Variants in P2RY14 observed in about 807,000 individuals in gnomAD.
The protein encoded by P2RY14 is P2Y purinoceptor 14.
P2RY14 carries 2 observed loss-of-function variants against 0.9 expected under a neutral mutation model. The ratio of observed to expected loss-of-function variants is 2.16; its 90% CI spans 0.88 to 6.79. The LOEUF (loss-of-function observed/expected upper bound fraction) is 6.79. Ranked by LOEUF, P2RY14 falls within the 30% of genes most tolerant of loss-of-function variation. The pLI is 0.05. For synonymous variants in P2RY14, 158 were observed against 147.2 expected (o/e 1.07, Z -0.53); for missense variants, 378 against 400.1 (o/e 0.94, Z 0.47).
intron 1 of P2RY14, among the ~76,000 whole-genome samples, chr3:151,230,033 G>T (rs954657525): frequency 6.6e-6 from 1 of 152,000 alleles, no homozygotes; most frequent in Non-Finnish European, 1.5e-5. Context: ...GCAGTGGTGC[G>T]ATCTCAGCTC....
rs1205613477 is a variant in P2RY14, at chr3:151,248,057, T to TTTGGAAA, written c.-132-28422_-132-28416dup. Among the ~76,000 whole-genome samples, 3 of 150,912 alleles carry TTTGGAAA rather than the reference T, an allele frequency of 2.0e-5. No individual in the cohort carries two copies. The East Asian group carries it at 5.8e-4, about 29-fold the overall frequency. ...TCTAAATTATCTATTAGTCTAGATT[T>TTTGGAAA]TTGGAAATTACTACATAATTTATAG... On this transcript the variant is annotated intron_variant, in intron 1 of 2. Transcript: ENST00000309170.
intron 1 of P2RY14, among the ~76,000 whole-genome samples, chr3:151,228,888 C>T (rs1731056721): frequency 6.6e-6 from 1 of 152,132 alleles, no homozygotes; most frequent in South Asian, 2.1e-4. Flanking sequence ...TCCCTGGGGC[C>T]AGGCAAGGAA....
chr3:151,275,198 C>T (rs574161866), intron 1 of P2RY14, among the ~76,000 whole-genome samples: 1 of 152,032 alleles, frequency 6.6e-6, no homozygotes, highest in Non-Finnish European at 1.5e-5. Flanking sequence ...TGGAGAGTAT[C>T]GAGGATCAGA....
chr3:151,231,769 T>C (rs1054204860), intron 1 of P2RY14, among the ~76,000 whole-genome samples: 3 of 152,166 alleles, frequency 2.0e-5, no homozygotes, highest in African/African-American at 7.2e-5. Context: ...TTAGGTAATA[T>C]TACTGAGTAA....
chr3:151,247,706 A>C (rs1038048612), intron 1 of P2RY14, among the ~76,000 whole-genome samples: 12 of 149,524 alleles, frequency 8.0e-5, no homozygotes, highest in Non-Finnish European at 5.9e-5. Context: ...GCACATGTAT[A>C]CATATGTAAC....
At chr3:151,258,995 T>G (rs1738363686) in intron 1 of P2RY14, among the ~76,000 whole-genome samples, 1 of 152,188 alleles carries the variant, frequency 6.6e-6, no homozygotes, top group South Asian at 2.1e-4. Flanking sequence ...TGATAAGTGG[T>G]GCTGCACACA....
chr3:151,218,138 G>A (rs1460197921), intron 2 of P2RY14, among the ~76,000 whole-genome samples: 2 of 151,826 alleles, frequency 1.3e-5, no homozygotes, highest in Admixed American at 6.5e-5. Flanking sequence ...GAAGGAAATC[G>A]TTTTATTCTC....
intron 1 of P2RY14, among the ~76,000 whole-genome samples, chr3:151,240,132 G>C (rs545071081): frequency 1.4e-4 from 21 of 151,724 alleles, no homozygotes; most frequent in African/African-American, 4.1e-4. Flanking sequence ...CAGGACCATT[G>C]TTCTGGCCAG....
At chr3:151,255,099 G>T (rs1345176073) in intron 1 of P2RY14, among the ~76,000 whole-genome samples, 1 of 152,122 alleles carries the variant, frequency 6.6e-6, no homozygotes, top group Admixed American at 6.6e-5. Context: ...GCGCTTAAAA[G>T]ATAGGAACTT....
At chr3:151,224,982 A>G (rs1273110139) in intron 1 of P2RY14, among the ~76,000 whole-genome samples, 4 of 152,196 alleles carry the variant, frequency 2.6e-5, no homozygotes, top group Non-Finnish European at 4.4e-5. Flanking sequence ...ACAGCGTTTT[A>G]CATCTTTAAA....
At chr3:151,266,467 A>G (rs1739852608) in intron 1 of P2RY14, among the ~76,000 whole-genome samples, 1 of 152,212 alleles carries the variant, frequency 6.6e-6, no homozygotes, top group Non-Finnish European at 1.5e-5. Context: ...GACTCTAGAC[A>G]TTTTTTAAAT....
intron 2 of P2RY14, among the ~76,000 whole-genome samples, chr3:151,218,867 A>C (rs1445445697): frequency 5.0e-4 from 5 of 9,986 alleles, no homozygotes; most frequent in Non-Finnish European, 8.4e-4. Flanking sequence ...ACTCAGTCTC[A>C]AAAAAAAAAA....
At chr3:151,275,174 C>T (rs1013409931) in intron 1 of P2RY14, among the ~76,000 whole-genome samples, 2 of 152,044 alleles carry the variant, frequency 1.3e-5, no homozygotes, top group East Asian at 1.9e-4. Context: ...AAAATAATTG[C>T]GTGTGTATGA....
rs766735463 is a variant in P2RY14 at position 151,213,740 on chromosome 3, C to T, written c.577G>A (p.Ala193Thr). 5.6e-6 allele frequency: 9 copies of T among 1,614,080 alleles called. No individual in the cohort carries two copies. The African/African-American group carries it at 1.1e-4, about 19-fold the overall frequency. The change falls in exon 3 of 3, where the codon GCC becomes ACC. Residue 193 changes from alanine (A) to threonine (T), a missense_variant. Physicochemically the swap from Ala to Thr is moderately conservative, Grantham distance 58. Coordinates refer to ENST00000309170, the MANE Select transcript of P2RY14 (RefSeq NM_014879.4). ...AAAAGAAACACAATCCAGAAGATGG[C>T]CACGAAGATGTAGTTTGATGCTTTG... ...WHKASNYIFV[A>T]IFWIVFLLLI...
chr3:151,247,116 G>A (rs1365249791), intron 1 of P2RY14, among the ~76,000 whole-genome samples: 1 of 152,160 alleles, frequency 6.6e-6, no homozygotes, highest in African/African-American at 2.4e-5. Flanking sequence ...GGAAACAACA[G>A]GTGCTGGAGA....
intron 1 of P2RY14, among the ~76,000 whole-genome samples, chr3:151,270,892 CCTGT>C (rs1387475155): frequency 2.3e-4 from 35 of 152,128 alleles, no homozygotes; most frequent in Non-Finnish European, 3.7e-4. Context: ...TACTTTTGTA[CCTGT>C]CTATTTTAAA....
chr3:151,232,062 G>A (rs565895275), intron 1 of P2RY14, among the ~76,000 whole-genome samples: 6 of 152,238 alleles, frequency 3.9e-5, no homozygotes, highest in East Asian at 1.9e-4. Flanking sequence ...GACAGGTAAC[G>A]AATGCCTAAT....
At position 151,218,998 on chromosome 3, in the gene P2RY14, A is replaced by T. The variant is rs371001638; in HGVS notation, c.-25+537T>A. ...ATATATGAGAATGAAGTGGTCTGAA[A>T]TGTTTTAGCCTACATTGTCTACTGT... On this transcript the variant is annotated intron_variant, in intron 2 of 2. Transcript: ENST00000309170. 2.2e-3 allele frequency among the ~76,000 whole-genome samples: 331 copies of T among 151,978 alleles called. 7 individuals carry two copies. In the South Asian group the frequency reaches 0.057, roughly 26 times the overall value.
chr3:151,223,638 G>T (rs4679770), intron 1 of P2RY14, among the ~76,000 whole-genome samples: 83,575 of 151,940 alleles, frequency 0.55, 23,313 homozygotes, highest in African/African-American at 0.64. Context: ...CTAAACATTG[G>T]ATACACATGG....
Sources: allele counts gnomAD v4.1 joint callset (sites outside exome capture counted in the v4.1 genomes callset), GRCh38; gene constraint gnomAD v4.1.1; transcripts MANE v1.5; gene names NCBI Gene and HGNC (gene_info 2026-07-23, HGNC 2026-07-21).